COL5A1: variants seen among roughly 807,000 people sequenced by gnomAD.
The protein encoded by COL5A1 is collagen alpha-1(V) chain.
A neutral mutation model predicts 263.7 loss-of-function variants in COL5A1; 16 were observed. That is an observed-to-expected ratio of 0.06 (90% CI 0.04 to 0.09). COL5A1 has a LOEUF of 0.09. COL5A1 is among the 10% of genes least tolerant of loss of function. The pLI is 1.00. For synonymous variants in COL5A1, 1,012 were observed against 1,004.5 expected, an observed-to-expected ratio of 1.01 and a Z score of -0.14; for missense variants, 2,036 against 2,540.5, an observed-to-expected ratio of 0.80 and a Z score of 4.27.
chr9:134,782,297 C>T (rs780752475), intron 28 of COL5A1, among the ~76,000 whole-genome samples: 1 of 152,258 alleles, frequency 6.6e-6, no homozygotes, highest in Non-Finnish European at 1.5e-5. Flanking sequence ...ATTGTCACCC[C>T]CTTTACCCGT....
intron 4 of COL5A1, among the ~76,000 whole-genome samples, chr9:134,702,994 C>T (rs1260052013): frequency 6.6e-6 from 1 of 152,242 alleles, no homozygotes; most frequent in East Asian, 1.9e-4. Flanking sequence ...AGTGTCAAGG[C>T]AGACAGAAAG....
chr9:134,715,310 C>G (rs1198929570), intron 4 of COL5A1, among the ~76,000 whole-genome samples: 1 of 152,176 alleles, frequency 6.6e-6, no homozygotes, highest in East Asian at 1.9e-4. Flanking sequence ...TCACCTCCAG[C>G]CCTAAGGCGG....
intron 32 of COL5A1, among the ~76,000 whole-genome samples, chr9:134,792,593 G>A (rs1022223639): frequency 6.6e-6 from 1 of 152,086 alleles, no homozygotes; most frequent in Non-Finnish European, 1.5e-5. Flanking sequence ...TCGAACTCCT[G>A]ACCTCAAGTG....
chr9:134,777,700 T>G (rs929337297), intron 27 of COL5A1, among the ~76,000 whole-genome samples: 1 of 152,082 alleles, frequency 6.6e-6, no homozygotes, highest in African/African-American at 2.4e-5. Flanking sequence ...CAGCAGGGCA[T>G]GGGCAGGGAG....
intron 36 of COL5A1, 103 bp from the exon 37 acceptor site, chr9:134,798,305 G>A: frequency 9.6e-7 from 1 of 1,046,492 alleles, no homozygotes; most frequent in Non-Finnish European, 1.5e-6. Flanking sequence ...ATGTGCAGGG[G>A]CAGGAGCCAT....
rs866500727 is a variant in COL5A1, at chr9:134,839,437, G to A, written c.5371-2720G>A. On this transcript the variant is annotated intron_variant, in intron 65 of 65. Transcript: ENST00000371817. ...ATCACCCGACAGCTCAGCAAATGCT[G>A]CCCGTCCCTCTGGGGAGAGACTGGT... is the stretch of plus-strand genomic sequence containing the variant. Among the ~76,000 whole-genome samples, 7 of 152,226 alleles carry A rather than the reference G, an allele frequency of 4.6e-5. No homozygotes were observed. The South Asian group carries it at 1.2e-3, about 27-fold the overall frequency.
At chr9:134,751,718 C>G (rs1312153204) in intron 13 of COL5A1, among the ~76,000 whole-genome samples, 1 of 152,204 alleles carries the variant, frequency 6.6e-6, no homozygotes, top group Non-Finnish European at 1.5e-5. Context: ...GCTAAGTAAT[C>G]CCTTGTTTGA....
intron 24 of COL5A1, among the ~76,000 whole-genome samples, chr9:134,767,932 G>T (rs1836734906): frequency 1.3e-5 from 2 of 152,234 alleles, no homozygotes; most frequent in Non-Finnish European, 2.9e-5. Flanking sequence ...AACACAGAGG[G>T]CTGGGCTGCT....
intron 4 of COL5A1, among the ~76,000 whole-genome samples, chr9:134,711,658 C>T (rs969647895): frequency 6.6e-6 from 1 of 152,128 alleles, no homozygotes; most frequent in African/African-American, 2.4e-5. Flanking sequence ...GGCAGGACTT[C>T]AGCCCAGGCC....
At chr9:134,766,929 G>A (rs1836690850) in intron 22 of COL5A1, 71 bp from the exon 23 acceptor site, 2 of 1,416,572 alleles carry the variant, frequency 1.4e-6, no homozygotes, top group Non-Finnish European at 2.0e-6. Flanking sequence ...CAGTGAGGGG[G>A]CACACGACAC....
chr9:134,713,490 A>G (rs182525342), intron 4 of COL5A1, among the ~76,000 whole-genome samples: 4 of 152,310 alleles, frequency 2.6e-5, no homozygotes, highest in East Asian at 3.9e-4. Context: ...ACCTTACTCT[A>G]TTGGTTGACA....
At chr9:134,747,675 TCATA>T (rs1442164250) in intron 11 of COL5A1, among the ~76,000 whole-genome samples, 1 of 135,566 alleles carries the variant, frequency 7.4e-6, no homozygotes. Flanking sequence ...ACACATGTAT[TCATA>T]CACACATGCA....
Position 134,741,820 on chromosome 9 carries a change from C to T in COL5A1, c.1494+3012C>T, listed in dbSNP as rs1835314159. Among the ~76,000 whole-genome samples the T allele has an allele frequency of 6.6e-6, 1 of 152,156 alleles. No homozygotes were observed. The highest frequency in any genetic ancestry group is 2.4e-5 in the African/African-American group (1 of 41,440). On this transcript the variant is annotated intron_variant, in intron 11 of 65. Coordinates refer to ENST00000371817, the MANE Select transcript of COL5A1 (RefSeq NM_000093.5). The surrounding 1 kb of genome is among the most constrained non-coding windows in gnomAD (Gnocchi z 4.5). Reference sequence around the variant, plus strand: ...CCCTGGGGTCTGGAAGAGCCCTCTTCTCCCTGCCACTCCCAACCTCCCGCC... The same window carrying T: ...CCCTGGGGTCTGGAAGAGCCCTCTTTTCCCTGCCACTCCCAACCTCCCGCC...
intron 16 of COL5A1, among the ~76,000 whole-genome samples, chr9:134,756,475 G>A (rs545969353): frequency 1.2e-4 from 19 of 152,306 alleles, no homozygotes; most frequent in South Asian, 4.1e-4. Flanking sequence ...ACATTGTGGC[G>A]TCTTCTCGAA....
At chr9:134,744,625 GCA>G (rs1225297375) in intron 11 of COL5A1, among the ~76,000 whole-genome samples, 4 of 148,548 alleles carry the variant, frequency 2.7e-5, no homozygotes, top group Non-Finnish European at 5.9e-5. Flanking sequence ...ACACACTCAT[GCA>G]CACACTCACC....
intron 43 of COL5A1, 24 bp from the exon 44 acceptor site, chr9:134,810,231 C>T (rs778113433): frequency 2.8e-5 from 45 of 1,613,592 alleles, no homozygotes; most frequent in Admixed American, 2.5e-4. Flanking sequence ...GCTTTCTAAC[C>T]GAATCCCCCA....
chr9:134,734,539 A>G (rs968243430), intron 9 of COL5A1, among the ~76,000 whole-genome samples: 11 of 152,230 alleles, frequency 7.2e-5, no homozygotes, highest in Non-Finnish European at 1.3e-4. Flanking sequence ...CGGCCTGTGG[A>G]AGGGGGTGTC....
chr9:134,661,567 G>A (rs2132497600), intron 1 of COL5A1, among the ~76,000 whole-genome samples: 1 of 152,008 alleles, frequency 6.6e-6, no homozygotes, highest in South Asian at 2.1e-4. Context: ...TGGCCAATAG[G>A]GAGCAGAGCT....
chr9:134,737,973 A>G (rs929125098), intron 9 of COL5A1, among the ~76,000 whole-genome samples: 1 of 152,008 alleles, frequency 6.6e-6, no homozygotes, highest in African/African-American at 2.4e-5. Flanking sequence ...CGGGGTCTGG[A>G]GGTTGCAGCC....
Sources: allele counts gnomAD v4.1 joint callset (sites outside exome capture counted in the v4.1 genomes callset), GRCh38; gene constraint gnomAD v4.1.1; non-coding constraint Gnocchi (gnomAD v3.1); transcripts MANE v1.5; gene names NCBI Gene and HGNC (gene_info 2026-07-23, HGNC 2026-07-21).